ADCY3: variants seen among roughly 807,000 people sequenced by gnomAD.
The protein encoded by ADCY3 is adenylate cyclase 3, also known as adenylate cyclase type 3.
Under a neutral mutation model 119.4 loss-of-function variants are expected in ADCY3, and 70 were observed. That is an observed-to-expected ratio of 0.59 (90% CI 0.48 to 0.72). The LOEUF (loss-of-function observed/expected upper bound fraction) is 0.72. Ranked by LOEUF, ADCY3 falls within the 30% of genes least tolerant of loss-of-function variation. The pLI is 0.00. For missense variants in ADCY3, 1,238 were observed against 1,541.6 expected, an observed-to-expected ratio of 0.80 and a Z score of 3.30; for synonymous variants, 672 against 621.4, an observed-to-expected ratio of 1.08 and a Z score of -1.21.
intron 12 of ADCY3, among the ~76,000 whole-genome samples, chr2:24,831,230 TA>T (rs5829943): frequency 8.1e-5 from 12 of 147,536 alleles, no homozygotes; most frequent in Admixed American, 2.7e-4. Context: ...TCATTCTGAT[TA>T]AAAAAAAAAA....
At chr2:24,881,347 A>T (rs1192146570) in intron 2 of ADCY3, among the ~76,000 whole-genome samples, 1 of 152,220 alleles carries the variant, frequency 6.6e-6, no homozygotes, top group Non-Finnish European at 1.5e-5. Flanking sequence ...GTTATGCAGC[A>T]TTAGGTGAAA....
chr2:24,853,839 A>G (rs561468696), intron 3 of ADCY3, among the ~76,000 whole-genome samples: 6 of 152,196 alleles, frequency 3.9e-5, no homozygotes, highest in Non-Finnish European at 7.3e-5. Flanking sequence ...TCGCTATTCA[A>G]TGCCCATCAC....
chr2:24,862,599 C>T (rs181577840), intron 3 of ADCY3, among the ~76,000 whole-genome samples: 4 of 151,684 alleles, frequency 2.6e-5, no homozygotes, highest in Admixed American at 6.6e-5. Flanking sequence ...AAATCAAGCT[C>T]GGGTCCCAAG....
At chr2:24,820,960 T>TTGTCC (rs1225999126) in intron 20 of ADCY3, 112 bp from the exon 21 acceptor site, 1 of 1,446,754 alleles carries the variant, frequency 6.9e-7, no homozygotes, top group Non-Finnish European at 9.4e-7. Context: ...TAACACATCA[T>TTGTCC]TGTCCTCATT....
chr2:24,871,041 T>C (rs753371839), intron 3 of ADCY3, among the ~76,000 whole-genome samples: 16 of 152,040 alleles, frequency 1.1e-4, no homozygotes, highest in Admixed American at 1.3e-4. Flanking sequence ...TTGTACAATA[T>C]GAGACAGACA....
chr2:24,915,931 A>G (rs751607284), intron 2 of ADCY3, among the ~76,000 whole-genome samples: 1 of 152,146 alleles, frequency 6.6e-6, no homozygotes, highest in Non-Finnish European at 1.5e-5. Context: ...GGCACCTTTT[A>G]AAAAGTCACA....
intron 2 of ADCY3, among the ~76,000 whole-genome samples, chr2:24,874,965 G>T (rs1275956800): frequency 6.6e-6 from 1 of 152,216 alleles, no homozygotes; most frequent in African/African-American, 2.4e-5. Context: ...TTGGTGATTG[G>T]TGTGAAGTTT....
At chr2:24,831,342 C>G (rs569041717) in intron 12 of ADCY3, among the ~76,000 whole-genome samples, 1 of 152,222 alleles carries the variant, frequency 6.6e-6, no homozygotes, top group Non-Finnish European at 1.5e-5. Flanking sequence ...ACCTTCCAGC[C>G]GGCCCTCCAC....
Position 24,838,481 on chromosome 2 carries a change from C to T in ADCY3, c.1497G>A (p.Val499=), listed in dbSNP as rs199912223. 1.0e-4 allele frequency: 169 copies of T among 1,613,890 alleles called. No homozygotes were observed. The highest frequency in any genetic ancestry group is 9.6e-5 in the Non-Finnish European group (113 of 1,180,030). ...TYLIIASKPE[V]KKTATQNGLN... Reference sequence around the variant, plus strand: ...GGCCATTCTGGGTGGCTGTTTTCTTCACCTCTGGCTTGGAGGCAATGATGA... The same window carrying T: ...GGCCATTCTGGGTGGCTGTTTTCTTTACCTCTGGCTTGGAGGCAATGATGA... Residue 499 remains valine, a synonymous_variant, in exon 8 of 22, where the codon GTG becomes GTA. Transcript: ENST00000679454.
At chr2:24,907,963 C>T (rs1393650109) in intron 2 of ADCY3, among the ~76,000 whole-genome samples, 1 of 151,684 alleles carries the variant, frequency 6.6e-6, no homozygotes, top group African/African-American at 2.4e-5. Flanking sequence ...CACTGCACTC[C>T]AGCCTGGGCA....
chr2:24,821,585 G>A lies in ADCY3; in HGVS notation c.3059C>T (p.Ala1020Val), dbSNP rs149329231. The A allele has an allele frequency of 2.5e-6, 4 of 1,614,064 alleles. No individual in the cohort carries two copies. Among genetic ancestry groups the A allele is most frequent in the Admixed American group, 1.7e-5 (1 of 60,008 alleles). Residue 1020 changes from alanine to valine, a missense_variant, in exon 20 of 22, where the codon GCG (alanine) becomes GTG (valine). By Grantham distance (64) the Ala-to-Val change is moderately conservative. Transcript: ENST00000679454. ...GGTGAGCGTATCCTTCATGGCCAGC[G>A]CGAAGTCGGCCAGGTCAGCCAGGTG... ...WQHLADLADF[A>V]LAMKDTLTNI... is the part of the protein sequence containing the mutation.
rs1489622186 is a variant in ADCY3 at position 24,826,028 on chromosome 2, G to A, written c.2577+17C>T. ...GGGCTGTGGGCACAGAGCGGGGATC[G>A]TGCAGGCGGCACTCACGTGGCGGGA... On this transcript the variant is annotated intron_variant, in intron 16 of 21. Transcript: ENST00000679454. 2.5e-6 allele frequency: 4 copies of A among 1,612,690 alleles called. No homozygotes were observed. The highest frequency in any genetic ancestry group is 1.6e-4 in the Middle Eastern group (1 of 6,062).
Position 24,918,755 on chromosome 2 carries a change from A to T in ADCY3, c.233T>A (p.Leu78Gln). 1 of 1,614,084 alleles carries T rather than the reference A, an allele frequency of 6.2e-7. No individual in the cohort carries two copies. ...GGCTGCAAAGACCACCAGCACCAGC[A>T]GGGTCTCGTGGCGCTGCCTTTTGAA... ...TYFKRQRHETLLVLVVFAALF... is the reference protein window; with the variant it reads ...TYFKRQRHETQLVLVVFAALF... The change falls in exon 2 of 22, where the codon CTG (leucine) becomes CAG (glutamine). Residue 78 changes from leucine (L) to glutamine (Q), a missense_variant. Physicochemically the swap from Leu to Gln is moderately radical, Grantham distance 113 (BLOSUM62 -2). Around this residue, in one of 7 missense-constraint regions of ADCY3, gnomAD observed 227 missense variants for 249.3 expected, o/e 0.91. Coordinates refer to ENST00000679454, the MANE Select transcript of ADCY3 (RefSeq NM_004036.5). This position sits in a 1 kb window ranked among gnomAD's most constrained non-coding sequence, Gnocchi z 5.4.
intron 15 of ADCY3, among the ~76,000 whole-genome samples, chr2:24,827,149 C>T (rs1183530253): frequency 6.6e-6 from 1 of 152,196 alleles, no homozygotes; most frequent in Non-Finnish European, 1.5e-5. Context: ...TTGGCACTGG[C>T]AGGGACCTTA....
chr2:24,847,020 G>T (rs1671731951), intron 3 of ADCY3, among the ~76,000 whole-genome samples: 1 of 152,164 alleles, frequency 6.6e-6, no homozygotes, highest in South Asian at 2.1e-4. Context: ...TTTGAAATGT[G>T]AGGACATGAG....
chr2:24,826,153 A>G (rs1668588520), intron 15 of ADCY3, 27 bp from the exon 16 acceptor site: 1 of 1,604,306 alleles, frequency 6.2e-7, no homozygotes, highest in African/African-American at 1.3e-5. Context: ...GTGCAACTGA[A>G]AGGGCTGTCA....
At chr2:24,879,894 G>C (rs1676186143) in intron 2 of ADCY3, among the ~76,000 whole-genome samples, 1 of 152,174 alleles carries the variant, frequency 6.6e-6, no homozygotes, top group Non-Finnish European at 1.5e-5. Context: ...GGAACATCTG[G>C]GCAGGTGGGA....
chr2:24,829,703 T>C (rs896368066), intron 13 of ADCY3, among the ~76,000 whole-genome samples: 3 of 151,894 alleles, frequency 2.0e-5, no homozygotes, highest in Non-Finnish European at 4.4e-5. Context: ...ATTACAGGCG[T>C]GAGCCACTGC....
At chr2:24,887,533 A>G (rs80066440) in intron 2 of ADCY3, among the ~76,000 whole-genome samples, 1 of 152,116 alleles carries the variant, frequency 6.6e-6, no homozygotes, top group Non-Finnish European at 1.5e-5. Flanking sequence ...GTTCACCGGC[A>G]TCATGCAGCG....
Sources: allele counts gnomAD v4.1 joint callset (sites outside exome capture counted in the v4.1 genomes callset), GRCh38; gene constraint gnomAD v4.1.1; regional missense constraint gnomAD v4.1.1; non-coding constraint Gnocchi (gnomAD v3.1); transcripts MANE v1.5; gene names NCBI Gene and HGNC (gene_info 2026-07-23, HGNC 2026-07-21).